The following CACNA1G variants were observed in gnomAD, a reference collection of about 807,000 sequenced individuals.
The protein encoded by CACNA1G is voltage-dependent T-type calcium channel subunit alpha-1G.
A neutral mutation model predicts 219.4 loss-of-function variants in CACNA1G; 67 were observed. The observed-to-expected ratio is 0.31, with a 90% CI of 0.25 to 0.37. The LOEUF (loss-of-function observed/expected upper bound fraction) is 0.37. Ranked by LOEUF, CACNA1G falls within the 10% of genes least tolerant of loss-of-function variation. The probability of loss-of-function intolerance (pLI) is 1.00; values close to 1 mark genes in which losing one functional copy is unlikely to be tolerated. For synonymous variants in CACNA1G, 1,296 were observed against 1,345.3 expected, an observed-to-expected ratio of 0.96 and a Z score of 0.80; for missense variants, 2,380 against 3,231.4, an observed-to-expected ratio of 0.74 and a Z score of 6.39.
chr17:50,599,899 C>G, intron 17 of CACNA1G, 40 bp downstream of exon 17: 1 of 1,575,378 alleles, frequency 6.3e-7, no homozygotes, highest in African/African-American at 1.3e-5. Flanking sequence ...CACCCCTGAC[C>G]TTGAAAGAGG....
chr17:50,596,724 G>A lies in CACNA1G; in HGVS notation c.3065-6G>A, dbSNP rs534069682. The A allele has an allele frequency of 2.7e-5, 43 of 1,613,110 alleles. No individual in the cohort carries two copies. In the Middle Eastern group the frequency reaches 6.6e-4, roughly 25 times the overall value. ...ACTCGGGATCTCTCCCTCTCTCCCC[G>A]TGCAGTGGTGTCCCTGGGAGAGCAC... On this transcript the variant is annotated splice_region_variant and splice_polypyrimidine_tract_variant and intron_variant, in intron 15 of 37. Transcript: ENST00000359106. The surrounding 1 kb of genome is among the most constrained non-coding windows in gnomAD (Gnocchi z 4.8).
At position 50,619,755 on chromosome 17, in the gene CACNA1G, G is replaced by T; in HGVS notation, c.5854G>T (p.Glu1952Ter). 6.2e-7 allele frequency: 1 copy of T among 1,609,198 alleles called. No homozygotes were observed. Among genetic ancestry groups the T allele is most frequent in the African/African-American group, 1.3e-5 (1 of 74,970 alleles). Residue 1952 changes from glutamate (E) to a stop codon, truncating the protein, a stop_gained, in exon 34 of 38, where the codon GAG (glutamate) becomes TAG (stop). Transcript: ENST00000359106. LOFTEE classifies it high-confidence loss of function. ...SLEWELKLMDELAGPGGQPSA... is the reference protein window; with the variant it reads ...SLEWELKLMD ...GGAGTGGGAGCTGAAGCTGATGGAC[G>T]AGCTGGCAGGCCCAGGGGGCCAGCC...
chr17:50,598,226 A>G (rs1049942636), intron 16 of CACNA1G, among the ~76,000 whole-genome samples: 5 of 152,192 alleles, frequency 3.3e-5, no homozygotes, highest in Admixed American at 1.3e-4. Context: ...ATGAGGTTTC[A>G]CCATGTTGGC....
chr17:50,602,916 C>A, intron 20 of CACNA1G, 28 bp downstream of exon 20: 2 of 1,613,052 alleles, frequency 1.2e-6, no homozygotes, highest in Non-Finnish European at 1.7e-6. Flanking sequence ...TGGCTTGGGA[C>A]CTCTGGTTCC....
rs200787970 is a variant in CACNA1G, at chr17:50,599,818, C to T, written c.3649C>T (p.Pro1217Ser). 3.7e-6 allele frequency: 6 copies of T among 1,611,312 alleles called. No homozygotes were observed. The highest frequency in any genetic ancestry group is 2.7e-5 in the African/African-American group (2 of 74,938). Residue 1217 changes from proline (P) to serine (S), a missense_variant, in exon 17 of 38, where the codon CCC becomes TCC. By Grantham distance (74) the Pro-to-Ser change is moderately conservative. Coordinates refer to ENST00000359106, the MANE Select transcript of CACNA1G (RefSeq NM_018896.5). ...RLARALRPDDPPLDGDDADDE... is the reference protein window; with the variant it reads ...RLARALRPDDSPLDGDDADDE... Reference sequence around the variant, plus strand: ...GGCCCGGGCCCTGCGGCCTGATGACCCCCCACTGGATGGGGATGACGCCGA... The same window carrying T: ...GGCCCGGGCCCTGCGGCCTGATGACTCCCCACTGGATGGGGATGACGCCGA...
intron 22 of CACNA1G, among the ~76,000 whole-genome samples, chr17:50,605,369 G>A (rs2047729616): frequency 6.6e-6 from 1 of 152,132 alleles, no homozygotes; most frequent in African/African-American, 2.4e-5. Context: ...TAACTTCTCT[G>A]AGCCTCCGTT....
chr17:50,609,763 C>T, intron 25 of CACNA1G, 119 bp from the exon 26 acceptor site: 1 of 814,044 alleles, frequency 1.2e-6, no homozygotes, highest in South Asian at 1.6e-5. Context: ...ACCCAATGGG[C>T]TCAGCGCACC....
In CACNA1G at chr17:50,617,438, G is replaced by T. The variant is rs1457376749; in HGVS notation, c.5022G>T (p.Arg1674Ser). Residue 1674 changes from arginine (R) to serine (S), a missense_variant and splice_region_variant, in exon 29 of 38, where the codon AGG (arginine) becomes AGT (serine). Coordinates refer to ENST00000359106, the MANE Select transcript of CACNA1G (RefSeq NM_018896.5). The surrounding 1 kb of genome is among the most constrained non-coding windows in gnomAD (Gnocchi z 5.8). ...GGGAGCTGTATTCTGGGCTTTCCAG[G>T]TGGAACCAGCTGGACCTGGCCATTG... Reference protein sequence around the residue: ...AFGFRRFFQDRWNQLDLAIVL... With the variant: ...AFGFRRFFQDSWNQLDLAIVL... The T allele has an allele frequency of 6.2e-7, 1 of 1,612,554 alleles. No individual in the cohort carries two copies. Among genetic ancestry groups the T allele is most frequent in the South Asian group, 1.1e-5 (1 of 90,894 alleles).
At position 50,617,329 on chromosome 17, in the gene CACNA1G, C is replaced by A; in HGVS notation, c.5022-109C>A. On this transcript the variant is annotated intron_variant, in intron 28 of 37. Coordinates refer to ENST00000359106, the MANE Select transcript of CACNA1G (RefSeq NM_018896.5). This position sits in a 1 kb window ranked among gnomAD's most constrained non-coding sequence, Gnocchi z 5.8. Reference sequence around the variant, plus strand: ...CTTCTCTGTGGGATGGGAGGCTGGACCCGCTGATGTCTGCCCTCCTTTCAA... The same window carrying A: ...CTTCTCTGTGGGATGGGAGGCTGGAACCGCTGATGTCTGCCCTCCTTTCAA... 1 of 1,234,518 alleles carries A rather than the reference C, an allele frequency of 8.1e-7. No homozygotes were observed. Among genetic ancestry groups the A allele is most frequent in the Non-Finnish European group, 1.1e-6 (1 of 896,376 alleles). The allele number at this position is 1,234,518 out of a possible 1,614,324, so 76.5% of individuals were successfully genotyped here.
chr17:50,599,555 G>T lies in CACNA1G; in HGVS notation c.3386G>T (p.Arg1129Leu). The T allele has an allele frequency of 6.2e-7, 1 of 1,612,776 alleles. No homozygotes were observed. The highest frequency in any genetic ancestry group is 2.2e-5 in the East Asian group (1 of 44,870). The change falls in exon 17 of 38, where the codon CGG (arginine) becomes CTG (leucine). Residue 1129 changes from arginine (R) to leucine (L), a missense_variant. This residue lies in a region of CACNA1G where 418 missense variants were observed against 434.3 expected (regional missense o/e 0.96). Transcript: ENST00000359106. ...LKRRSPSGER[R>L]SLLSGEGQES... ...CGGAGAAGCCCAAGTGGAGAGCGGC[G>T]GTCCCTGTTGTCGGGAGAAGGCCAG... is the stretch of plus-strand genomic sequence containing the variant.
At chr17:50,565,198 C>A (rs1278133903) in intron 1 of CACNA1G, among the ~76,000 whole-genome samples, 1 of 152,204 alleles carries the variant, frequency 6.6e-6, no homozygotes, top group Non-Finnish European at 1.5e-5. Context: ...GGCCTATTTC[C>A]CCTTCCAAAG....
rs2041140670 is a variant in CACNA1G, at chr17:50,578,210, G to C, written c.1947G>C (p.Lys649Asn). Residue 649 changes from lysine (K) to asparagine (N), a missense_variant, in exon 9 of 38, where the codon AAG becomes AAC. Lys to Asn is a moderately conservative substitution (Grantham distance 94). Coordinates refer to ENST00000359106, the MANE Select transcript of CACNA1G (RefSeq NM_018896.5). This position sits in a 1 kb window ranked among gnomAD's most constrained non-coding sequence, Gnocchi z 4.5. ...QSTGACQSSC[K>N]ISSPCLKADS... ...CAGGTGCCTGCCAAAGCTCTTGCAA[G>C]ATCTCCAGCCCTTGCTTGAAAGCAG... 1 of 1,586,522 alleles carries C rather than the reference G, an allele frequency of 6.3e-7. No homozygotes were observed. The highest frequency in any genetic ancestry group is 8.6e-7 in the Non-Finnish European group (1 of 1,164,210).
At chr17:50,601,281 G>A (rs2046576071) in intron 19 of CACNA1G, 107 bp downstream of exon 19, 2 of 1,357,398 alleles carry the variant, frequency 1.5e-6, no homozygotes, top group East Asian at 2.4e-5. Context: ...TCACACAGCA[G>A]GGAACGAGGG....
Position 50,626,612 on chromosome 17 carries a change from G to A in CACNA1G, c.6995G>A (p.Arg2332Gln), listed in dbSNP as rs1180808585. The change falls in exon 38 of 38, where the codon CGG (arginine) becomes CAG (glutamine). Residue 2332 changes from arginine (R) to glutamine (Q), a missense_variant. Around this residue, in one of 17 missense-constraint regions of CACNA1G, gnomAD observed 672 missense variants for 670.5 expected, o/e 1.00. Transcript: ENST00000359106. This position sits in a 1 kb window ranked among gnomAD's most constrained non-coding sequence, Gnocchi z 4.3. The part of the protein sequence containing the change: ...RTPPSPGICL[R>Q]RRAPSSDSKD... ...CCGCCCAGCCCTGGTATCTGCCTCCGGAGGAGGGCTCCGTCCAGCGACTCC... is the reference window on the plus strand; with the variant it reads ...CCGCCCAGCCCTGGTATCTGCCTCCAGAGGAGGGCTCCGTCCAGCGACTCC... 1.1e-5 allele frequency: 18 copies of A among 1,611,488 alleles called. No individual in the cohort carries two copies. Among genetic ancestry groups the A allele is most frequent in the Non-Finnish European group, 1.4e-5 (16 of 1,179,524 alleles).
intron 1 of CACNA1G, among the ~76,000 whole-genome samples, chr17:50,568,501 A>G (rs2038534372): frequency 6.6e-6 from 1 of 152,242 alleles, no homozygotes; most frequent in Non-Finnish European, 1.5e-5. Flanking sequence ...TGCTTCTCAC[A>G]TCTACCCTGT....
chr17:50,619,817 C>T lies in CACNA1G; in HGVS notation c.5916C>T (p.Ser1972=), dbSNP rs756646515. The change falls in exon 34 of 38, where the codon TCC becomes TCT. Residue 1972 remains serine, a synonymous_variant. Coordinates refer to ENST00000359106, the MANE Select transcript of CACNA1G (RefSeq NM_018896.5). ...AFPSAPSLGG[S]DPQIPLAEME... ...CTTCTGCCCCCAGCCTGGGAGGCTCCGACCCACAGGTTACTGTGCCCCTGT... is the reference window on the plus strand; with the variant it reads ...CTTCTGCCCCCAGCCTGGGAGGCTCTGACCCACAGGTTACTGTGCCCCTGT... The T allele has an allele frequency of 4.7e-5, 75 of 1,604,160 alleles. No homozygotes were observed. Among genetic ancestry groups the T allele is most frequent in the Non-Finnish European group, 6.0e-5 (71 of 1,177,750 alleles).
Position 50,578,247 on chromosome 17 carries a change from T to C in CACNA1G, c.1984T>C (p.Cys662Arg). The C allele has an allele frequency of 6.2e-7, 1 of 1,609,772 alleles. No homozygotes were observed. Among genetic ancestry groups the C allele is most frequent in the East Asian group, 2.2e-5 (1 of 44,812 alleles). The change falls in exon 9 of 38, where the codon TGT (cysteine) becomes CGT (arginine). Residue 662 changes from cysteine (C) to arginine (R), a missense_variant. Cys to Arg is a radical substitution (Grantham distance 180). This residue lies in a region of CACNA1G where 434 missense variants were observed against 417.3 expected (regional missense o/e 1.04). Transcript: ENST00000359106. This position sits in a 1 kb window ranked among gnomAD's most constrained non-coding sequence, Gnocchi z 4.5. ...TTGCTTGAAAGCAGACAGTGGAGCC[T>C]GTGGTCCAGACAGCTGCCCCTACTG... Reference protein sequence around the residue: ...SPCLKADSGACGPDSCPYCAR... With the variant: ...SPCLKADSGARGPDSCPYCAR...
chr17:50,601,261 G>C, intron 19 of CACNA1G, 87 bp downstream of exon 19: 1 of 1,516,156 alleles, frequency 6.6e-7, no homozygotes, highest in Non-Finnish European at 9.0e-7. Context: ...CACAGTTGCT[G>C]ACCTGCAAGT....
intron 1 of CACNA1G, among the ~76,000 whole-genome samples, chr17:50,565,401 G>A (rs1258547393): frequency 6.7e-6 from 1 of 149,480 alleles, no homozygotes; most frequent in Non-Finnish European, 1.5e-5. Flanking sequence ...GGGTTCTGCT[G>A]GGGGAATCCC....
Sources: allele counts gnomAD v4.1 joint callset (sites outside exome capture counted in the v4.1 genomes callset), GRCh38; gene constraint gnomAD v4.1.1; regional missense constraint gnomAD v4.1.1; non-coding constraint Gnocchi (gnomAD v3.1); transcripts MANE v1.5; gene names NCBI Gene and HGNC (gene_info 2026-07-23, HGNC 2026-07-21).